CTTNBP2: variants seen among roughly 807,000 people sequenced by gnomAD.
The protein encoded by CTTNBP2 is cortactin-binding protein 2.
Under a neutral mutation model 156.9 loss-of-function variants are expected in CTTNBP2, and 108 were observed. That is an observed-to-expected ratio of 0.69 (90% CI 0.59 to 0.81). The LOEUF (loss-of-function observed/expected upper bound fraction) is 0.81. Ranked by LOEUF, CTTNBP2 falls within the 30% of genes least tolerant of loss-of-function variation. The pLI, the probability that CTTNBP2 is intolerant of heterozygous loss-of-function variation, is 0.00. For synonymous variants in CTTNBP2, 767 were observed against 751.8 expected, an observed-to-expected ratio of 1.02 and a Z score of -0.33; for missense variants, 1,924 against 2,035.4, an observed-to-expected ratio of 0.95 and a Z score of 1.05.
At chr7:117,822,788 C>T (rs544139500) in intron 2 of CTTNBP2, among the ~76,000 whole-genome samples, 1 of 152,294 alleles carries the variant, frequency 6.6e-6, no homozygotes, top group East Asian at 1.9e-4. Context: ...AAATGCACCA[C>T]ATGCACTTAA....
At chr7:117,766,284 C>A (rs28441380) in intron 9 of CTTNBP2, among the ~76,000 whole-genome samples, 7,523 of 152,122 alleles carry the variant, frequency 0.049, 293 homozygotes, top group African/African-American at 0.092. Flanking sequence ...ACCAAAAAAA[C>A]CCCCTCGGGT....
chr7:117,803,327 T>C (rs1253483848), intron 3 of CTTNBP2, among the ~76,000 whole-genome samples: 1 of 152,098 alleles, frequency 6.6e-6, no homozygotes, highest in Non-Finnish European at 1.5e-5. Context: ...CACTTGTAAG[T>C]AGAAGCTAAA....
At chr7:117,824,283 C>T (rs951176766) in intron 2 of CTTNBP2, among the ~76,000 whole-genome samples, 1 of 151,544 alleles carries the variant, frequency 6.6e-6, no homozygotes, top group African/African-American at 2.4e-5. Flanking sequence ...GGCATATAGC[C>T]CTTTTAATCT....
At chr7:117,812,671 A>T (rs1800360346) in intron 2 of CTTNBP2, among the ~76,000 whole-genome samples, 1 of 152,220 alleles carries the variant, frequency 6.6e-6, no homozygotes, top group South Asian at 2.1e-4. Context: ...AAATTCAATC[A>T]TGTAATCAAT....
chr7:117,826,390 A>G (rs1449504107), intron 2 of CTTNBP2, among the ~76,000 whole-genome samples: 1 of 152,220 alleles, frequency 6.6e-6, no homozygotes, highest in Non-Finnish European at 1.5e-5. Context: ...AATACATGAA[A>G]TCAGTTCTAA....
At chr7:117,866,709 C>T (rs7801539) in intron 1 of CTTNBP2, among the ~76,000 whole-genome samples, 116,140 of 151,988 alleles carry the variant, frequency 0.76, 45,448 homozygotes, top group African/African-American at 0.93. Flanking sequence ...TTAAATCTCC[C>T]CCATCCCCTA....
At position 117,711,491 on chromosome 7, in the gene CTTNBP2, C is replaced by G; in HGVS notation, c.*46G>C. 1 of 1,558,896 alleles carries G rather than the reference C, an allele frequency of 6.4e-7. No homozygotes were observed. Among genetic ancestry groups the G allele is most frequent in the Non-Finnish European group, 8.7e-7 (1 of 1,155,050 alleles). ...ATTTGTATCTTGTTGTCCTTGGTTT[C>G]TGTGTGAAATAGAGGAAGTTAATAA... On this transcript the variant is annotated 3_prime_UTR_variant, in exon 23 of 23. Coordinates refer to ENST00000160373, the MANE Select transcript of CTTNBP2 (RefSeq NM_033427.3).
At chr7:117,833,680 G>A (rs959168632) in intron 2 of CTTNBP2, among the ~76,000 whole-genome samples, 4 of 152,146 alleles carry the variant, frequency 2.6e-5, no homozygotes, top group Admixed American at 6.5e-5. Flanking sequence ...CTAGTTACCT[G>A]TTTGCAATTC....
intron 14 of CTTNBP2, among the ~76,000 whole-genome samples, chr7:117,736,887 G>A (rs1795735589): frequency 6.6e-6 from 1 of 152,168 alleles, no homozygotes; most frequent in East Asian, 1.9e-4. Flanking sequence ...TAGGATACTT[G>A]AGAGTAACAT....
intron 14 of CTTNBP2, among the ~76,000 whole-genome samples, chr7:117,742,946 A>G (rs1796096946): frequency 6.6e-6 from 1 of 152,180 alleles, no homozygotes; most frequent in Non-Finnish European, 1.5e-5. Flanking sequence ...GGCATGCCCC[A>G]TTCTCCCTGC....
At chr7:117,800,654 G>C (rs1024533645) in intron 3 of CTTNBP2, among the ~76,000 whole-genome samples, 1 of 151,990 alleles carries the variant, frequency 6.6e-6, no homozygotes, top group Non-Finnish European at 1.5e-5. Flanking sequence ...AGTGAAAATC[G>C]GGTTTCTCAC....
intron 14 of CTTNBP2, among the ~76,000 whole-genome samples, chr7:117,738,232 A>G (rs1271644776): frequency 2.0e-5 from 3 of 152,206 alleles, no homozygotes; most frequent in Admixed American, 2.0e-4. Context: ...AGTGATTGGA[A>G]TGTGCAATCA....
chr7:117,800,599 C>G (rs1370631495), intron 3 of CTTNBP2, among the ~76,000 whole-genome samples: 1 of 152,040 alleles, frequency 6.6e-6, no homozygotes, highest in Non-Finnish European at 1.5e-5. Flanking sequence ...TGAAACTACT[C>G]TGTGTGTTCC....
intron 14 of CTTNBP2, among the ~76,000 whole-genome samples, chr7:117,737,751 T>C (rs1795785341): frequency 6.6e-6 from 1 of 152,084 alleles, no homozygotes; most frequent in South Asian, 2.1e-4. Flanking sequence ...AAATTTTTTT[T>C]TGTATTTTTA....
chr7:117,817,361 A>AAAAAATAT (rs1554437688), intron 2 of CTTNBP2, among the ~76,000 whole-genome samples: 5 of 53,308 alleles, frequency 9.4e-5, no homozygotes, highest in Non-Finnish European at 1.4e-4. Context: ...AAAAAAAAAA[A>AAAAAATAT]ATATATATAT....
chr7:117,775,321 G>C (rs1290800752), intron 8 of CTTNBP2, among the ~76,000 whole-genome samples: 1 of 152,118 alleles, frequency 6.6e-6, no homozygotes, highest in East Asian at 1.9e-4. Context: ...TAGTCTATGG[G>C]AGAAAGAGGT....
chr7:117,782,984 A>C, intron 5 of CTTNBP2, 23 bp from the exon 6 acceptor site: 1 of 1,571,948 alleles, frequency 6.4e-7, no homozygotes, highest in Non-Finnish European at 8.7e-7. Flanking sequence ...ATAGAAAGCC[A>C]TGTAAATTCC....
intron 20 of CTTNBP2, 35 bp downstream of exon 20, chr7:117,721,031 TG>T: frequency 7.8e-7 from 1 of 1,276,650 alleles, no homozygotes; most frequent in South Asian, 1.2e-5. Context: ...GATTTATCTT[TG>T]TTTGCTGTGA....
At chr7:117,828,835 G>A (rs568376600) in intron 2 of CTTNBP2, among the ~76,000 whole-genome samples, 20 of 152,270 alleles carry the variant, frequency 1.3e-4, no homozygotes, top group African/African-American at 4.8e-4. Context: ...TGGGAAGTGG[G>A]TGGTGTCTAT....
Sources: allele counts gnomAD v4.1 joint callset (sites outside exome capture counted in the v4.1 genomes callset), GRCh38; gene constraint gnomAD v4.1.1; transcripts MANE v1.5; gene names NCBI Gene and HGNC (gene_info 2026-07-23, HGNC 2026-07-21).